Variants in ERCC6 observed in about 807,000 individuals in gnomAD.
ERCC6 encodes the protein ERCC excision repair 6, chromatin remodeling factor.
Under a neutral mutation model 158.7 loss-of-function variants are expected in ERCC6, and 116 were observed. The ratio of observed to expected loss-of-function variants is 0.73; its 90% CI spans 0.63 to 0.85. The LOEUF (loss-of-function observed/expected upper bound fraction) is 0.85. Among genes scored for constraint, ERCC6 ranks in the 40% least tolerant of loss-of-function variants. ERCC6 has a pLI of 0.00. For synonymous variants in ERCC6, 678 were observed against 659.3 expected (o/e 1.03, Z -0.43); for missense variants, 1,698 against 1,799.4 (o/e 0.94, Z 1.02).
Position 49,470,213 on chromosome 10 carries a change from A to G in ERCC6, c.3747T>C (p.Asp1249=), listed in dbSNP as rs777931939. The G allele has an allele frequency of 6.2e-6, 10 of 1,614,066 alleles. No homozygotes were observed. The highest frequency in any genetic ancestry group is 8.5e-6 in the Non-Finnish European group (10 of 1,180,034). ...KSEAKEQSND[D]YVLEKLFKKS... ...TTTTGAAAAGCTTTTCCAAAACATA[A>G]TCGTCATTGCTCTGTTCCTTGGCCT... Residue 1249 remains aspartate, a synonymous_variant, in exon 18 of 21, where the codon GAT becomes GAC. Transcript: ENST00000355832.
chr10:49,507,931 C>T (rs1277473964), intron 5 of ERCC6, among the ~76,000 whole-genome samples: 1 of 4,926 alleles, frequency 2.0e-4, no homozygotes, highest in African/African-American at 3.0e-4. Flanking sequence ...GATATATATA[C>T]ACTTTCCTGA....
chr10:49,515,594 CT>C, intron 5 of ERCC6: 1 of 1,614,072 alleles, frequency 6.2e-7, no homozygotes, highest in South Asian at 1.1e-5. Flanking sequence ...CCACTGGTTT[CT>C]CATCATATGT....
At chr10:49,532,502 T>G (rs781507978) in intron 2 of ERCC6, 41 bp downstream of exon 2, 2 of 1,609,930 alleles carry the variant, frequency 1.2e-6, no homozygotes, top group Non-Finnish European at 1.7e-6. Flanking sequence ...CCTGTCATGT[T>G]TTACCACCAC....
intron 10 of ERCC6, among the ~76,000 whole-genome samples, chr10:49,480,933 C>T (rs902070917): frequency 6.6e-6 from 1 of 152,180 alleles, no homozygotes; most frequent in Non-Finnish European, 1.5e-5. Flanking sequence ...TTAAAGGAGA[C>T]TAGAGACACG....
At chr10:49,536,515 T>C (rs1666991167) in intron 1 of ERCC6, among the ~76,000 whole-genome samples, 1 of 152,100 alleles carries the variant, frequency 6.6e-6, no homozygotes, top group African/African-American at 2.4e-5. Context: ...GAAGCTGAAG[T>C]GGATTACAGA....
intron 1 of ERCC6, among the ~76,000 whole-genome samples, chr10:49,536,550 T>G (rs1314559732): frequency 1.3e-5 from 2 of 152,050 alleles, no homozygotes; most frequent in East Asian, 3.9e-4. Context: ...AAGCAGCAAG[T>G]TGGGCAGTTC....
chr10:49,470,415 T>G lies in ERCC6; in HGVS notation c.3545A>C (p.Lys1182Thr). The change falls in exon 18 of 21, where the codon AAG becomes ACG. Residue 1182 changes from lysine to threonine, a missense_variant. Coordinates refer to ENST00000355832, the MANE Select transcript of ERCC6 (RefSeq NM_000124.4). ...KQMENNFYKH[K>T]SKTKHHSVAE... ...CACACTATGATGTTTTGTTTTTGAC[T>G]TGTGCTTATAAAAATTATTTTCCAT... 6.2e-7 allele frequency: 1 copy of G among 1,614,198 alleles called. No homozygotes were observed. The highest frequency in any genetic ancestry group is 8.5e-7 in the Non-Finnish European group (1 of 1,180,028).
Position 49,463,775 on chromosome 10 carries a change from C to T in ERCC6, c.3779-2219G>A, listed in dbSNP as rs116095044. On this transcript the variant is annotated intron_variant, in intron 18 of 20. Coordinates refer to ENST00000355832, the MANE Select transcript of ERCC6 (RefSeq NM_000124.4). Reference sequence around the variant, plus strand: ...GGTTTTAAAAATGGGAGTTTTCCTGCATAAGCTCTCTTTGCCTGCTGCCGT... The same window carrying T: ...GGTTTTAAAAATGGGAGTTTTCCTGTATAAGCTCTCTTTGCCTGCTGCCGT... Among the ~76,000 whole-genome samples the T allele has an allele frequency of 4.7e-3, 712 of 152,260 alleles. 5 individuals carry two copies. Among genetic ancestry groups the T allele is most frequent in the African/African-American group, 0.016 (645 of 41,540 alleles).
intron 1 of ERCC6, among the ~76,000 whole-genome samples, chr10:49,534,403 C>G (rs560766038): frequency 1.2e-4 from 18 of 152,298 alleles, no homozygotes; most frequent in African/African-American, 4.1e-4. Context: ...CACACAGGTG[C>G]AAGAATGTTT....
intron 5 of ERCC6, 51 bp from the exon 6 acceptor site, chr10:49,506,063 T>C: frequency 1.1e-5 from 17 of 1,604,168 alleles, no homozygotes; most frequent in Admixed American, 1.7e-5. Context: ...ACAAGACAGA[T>C]TTAAAAAGAT....
chr10:49,448,107 A>C, the ERCC6 span, among the ~76,000 whole-genome samples: 1 of 152,212 alleles, frequency 6.6e-6, no homozygotes, highest in Non-Finnish European at 1.5e-5. Flanking sequence ...TTTTGAGGAA[A>C]CACCAAACTA....
At chr10:49,451,311 T>C (rs1850418074), downstream of ERCC6, among the ~76,000 whole-genome samples, 1 of 151,972 alleles carries the variant, frequency 6.6e-6, no homozygotes, top group Non-Finnish European at 1.5e-5. Flanking sequence ...GACCCTCCAG[T>C]ACAATGTTAA....
intron 20 of ERCC6, among the ~76,000 whole-genome samples, chr10:49,459,654 A>G (rs564749302): frequency 6.6e-5 from 10 of 152,224 alleles, no homozygotes; most frequent in East Asian, 5.8e-4. Flanking sequence ...TATCATAGCT[A>G]TACTTCCTTT....
chr10:49,472,349 C>A (rs1474771293), intron 16 of ERCC6, 27 bp downstream of exon 16: 3 of 1,602,222 alleles, frequency 1.9e-6, no homozygotes, highest in Non-Finnish European at 1.7e-6. Flanking sequence ...GAACGCACAG[C>A]CAAGAGTGGC....
At chr10:49,460,306 GT>G in intron 20 of ERCC6, 66 bp downstream of exon 20, 1 of 1,125,444 alleles carries the variant, frequency 8.9e-7, no homozygotes, top group Non-Finnish European at 1.4e-6. Context: ...CCAGAATCAG[GT>G]GAAATTTTCA....
intron 10 of ERCC6, among the ~76,000 whole-genome samples, chr10:49,479,494 A>G (rs1170455603): frequency 2.6e-4 from 40 of 152,214 alleles, no homozygotes; most frequent in Non-Finnish European, 8.8e-5. Context: ...AGCTCAACTA[A>G]TCAATGACTT....
chr10:49,446,268 T>A, the ERCC6 span, among the ~76,000 whole-genome samples: 1 of 149,532 alleles, frequency 6.7e-6, no homozygotes, highest in Non-Finnish European at 1.5e-5. Flanking sequence ...CCCCCCAATT[T>A]ACTGTGAGGG....
chr10:49,497,170 G>C (rs368414783), intron 7 of ERCC6, among the ~76,000 whole-genome samples: 2 of 152,328 alleles, frequency 1.3e-5, no homozygotes, highest in African/African-American at 4.8e-5. Context: ...GGCCTGTCCA[G>C]GTGCCCCTTG....
downstream of ERCC6, among the ~76,000 whole-genome samples, chr10:49,450,342 AT>A (rs1850406458): frequency 3.2e-5 from 1 of 31,566 alleles, no homozygotes; most frequent in Admixed American, 4.6e-4. Flanking sequence ...TGGAATCACC[AT>A]TTTTTAAAAA....
Sources: allele counts gnomAD v4.1 joint callset (sites outside exome capture counted in the v4.1 genomes callset), GRCh38; gene constraint gnomAD v4.1.1; transcripts MANE v1.5; gene names NCBI Gene and HGNC (gene_info 2026-07-23, HGNC 2026-07-21).